Variants in SLA observed in about 807,000 individuals in gnomAD.
SLA encodes the protein Src like adaptor.
Under a neutral mutation model 30.3 loss-of-function variants are expected in SLA, and 16 were observed. The ratio of observed to expected loss-of-function variants is 0.53; its 90% confidence interval spans 0.36 to 0.80. The LOEUF (loss-of-function observed/expected upper bound fraction) is 0.80, where lower values mean the gene tolerates loss of function less well. SLA is among the 30% of genes least tolerant of loss of function. The pLI is 0.01. For missense variants in SLA, 310 were observed against 345.2 expected, an observed-to-expected ratio of 0.90 and a Z score of 0.81; for synonymous variants, 143 against 137.8, an observed-to-expected ratio of 1.04 and a Z score of -0.26.
In SLA at chr8:133,037,686, A is replaced by T. The variant is rs1368556361; in HGVS notation, c.*838T>A. ...TGACACCTTACAGAGGACTTAATGC[A>T]ATGCCTATTCGGGCAATAAATGAAT... On this transcript the variant is annotated 3_prime_UTR_variant, in exon 9 of 9. Transcript: ENST00000338087. 1 of 151,402 alleles carries T rather than the reference A, an allele frequency of 6.6e-6. No individual in the cohort carries two copies. Among genetic ancestry groups the T allele is most frequent in the Non-Finnish European group, 1.5e-5 (1 of 67,944 alleles). 9.4% of individuals were successfully genotyped at this position (151,402 alleles called of 1,614,324 possible).
intron 1 of SLA, among the ~76,000 whole-genome samples, chr8:133,080,101 C>T (rs1845518061): frequency 6.6e-6 from 1 of 152,014 alleles, no homozygotes; most frequent in African/African-American, 2.4e-5. Context: ...GGAACTCTCC[C>T]CTTAGAAAGG....
intron 1 of SLA, among the ~76,000 whole-genome samples, chr8:133,084,617 AAG>A (rs1395255757): frequency 4.6e-5 from 7 of 152,328 alleles, no homozygotes; most frequent in Middle Eastern, 3.4e-3. Flanking sequence ...CAGATGGAAA[AAG>A]GCATTTTGTC....
chr8:133,074,739 C>T (rs1017362495), intron 2 of SLA, 114 bp downstream of exon 2: 3 of 505,436 alleles, frequency 5.9e-6, no homozygotes, highest in African/African-American at 2.1e-5. Context: ...CATTGCCCCA[C>T]CTGTTCTCAG....
intron 6 of SLA, among the ~76,000 whole-genome samples, chr8:133,046,032 T>C (rs1839318639): frequency 6.6e-6 from 1 of 152,218 alleles, no homozygotes; most frequent in Admixed American, 6.5e-5. Context: ...AAAGGCGGGT[T>C]ATTGCTCCTT....
chr8:133,081,632 C>T (rs1400815017), intron 1 of SLA, among the ~76,000 whole-genome samples: 1 of 152,194 alleles, frequency 6.6e-6, no homozygotes, highest in Non-Finnish European at 1.5e-5. Context: ...CTGTCTGCTG[C>T]GAAGAGCTGC....
chr8:133,090,536 G>A (rs1203714993), intron 1 of SLA, among the ~76,000 whole-genome samples: 2 of 152,332 alleles, frequency 1.3e-5, no homozygotes, highest in Non-Finnish European at 1.5e-5. Flanking sequence ...GTCAGACAGC[G>A]CAAGGGACTT....
At position 133,055,359 on chromosome 8, in the gene SLA, A is replaced by ATG. The variant is rs770219741; in HGVS notation, c.62-4445_62-4444insCA. On this transcript the variant is annotated intron_variant, in intron 3 of 8. Transcript: ENST00000338087. The stretch of plus-strand genomic sequence containing the variant: ...TGTCATCTTCAGGACACACACACGC[A>ATG]CGCGCGCACACACACACACACACAC... Among the ~76,000 whole-genome samples, 4 of 86,790 alleles carry ATG rather than the reference A, an allele frequency of 4.6e-5. No homozygotes were observed. In the East Asian group the frequency reaches 1.1e-3, roughly 24 times the overall value. The allele number at this position is 86,790 out of a possible 152,430, so 56.9% of individuals were successfully genotyped here. A position where few individuals can be genotyped will look rare whatever the true frequency, so the allele number is the denominator to read the frequency against.
chr8:133,098,461 TG>T (rs1848765165), intron 1 of SLA, among the ~76,000 whole-genome samples: 1 of 152,122 alleles, frequency 6.6e-6, no homozygotes, highest in Non-Finnish European at 1.5e-5. Flanking sequence ...GGGATGGAGC[TG>T]GCCATTGACC....
chr8:133,100,769 C>A (rs1043739266), intron 1 of SLA, among the ~76,000 whole-genome samples: 1 of 152,174 alleles, frequency 6.6e-6, no homozygotes, highest in African/African-American at 2.4e-5. Context: ...AGAATAAAGG[C>A]TACTATGTGC....
chr8:133,096,419 A>C, intron 1 of SLA: 5 of 1,611,066 alleles, frequency 3.1e-6, no homozygotes, highest in Non-Finnish European at 4.2e-6. Context: ...GGCATTTCCT[A>C]AGGGCTCTGG....
At chr8:133,092,225 C>T (rs1847669368) in intron 1 of SLA, among the ~76,000 whole-genome samples, 1 of 152,222 alleles carries the variant, frequency 6.6e-6, no homozygotes, top group Admixed American at 6.5e-5. Context: ...GATATGTGTG[C>T]TTGGCCAGGC....
chr8:133,075,992 A>G (rs772497057), intron 1 of SLA: 1 of 152,230 alleles, frequency 6.6e-6, no homozygotes, highest in Non-Finnish European at 1.5e-5. Flanking sequence ...TATTGCATAT[A>G]AAATCTCCCT....
chr8:133,088,267 TCC>T (rs1203757491), intron 1 of SLA, among the ~76,000 whole-genome samples: 2 of 152,128 alleles, frequency 1.3e-5, no homozygotes. Context: ...CTCCTCCTCC[TCC>T]TCCTCCTCCT....
intron 7 of SLA, among the ~76,000 whole-genome samples, chr8:133,042,940 C>G (rs961875828): frequency 4.6e-5 from 7 of 151,342 alleles, no homozygotes; most frequent in African/African-American, 1.7e-4. Context: ...GCGATCCGCC[C>G]ACCTCAGCCT....
intron 2 of SLA, among the ~76,000 whole-genome samples, chr8:133,068,627 G>C (rs1374562991): frequency 6.6e-6 from 1 of 152,204 alleles, no homozygotes; most frequent in Non-Finnish European, 1.5e-5. Context: ...TGCACACCCT[G>C]CAGTCTCCGT....
chr8:133,094,263 T>TTTAC (rs1848066170), intron 1 of SLA, among the ~76,000 whole-genome samples: 113 of 143,914 alleles, frequency 7.9e-4, no homozygotes, highest in Non-Finnish European at 1.2e-3. Context: ...TTTTTTTTGA[T>TTTAC]GGAGTCTTGC....
chr8:133,100,330 C>A (rs1291581452), intron 1 of SLA, among the ~76,000 whole-genome samples: 2 of 152,216 alleles, frequency 1.3e-5, no homozygotes, highest in East Asian at 1.9e-4. Flanking sequence ...CTACACCCTA[C>A]CCCAGCACTC....
intron 1 of SLA, among the ~76,000 whole-genome samples, chr8:133,078,527 C>T (rs1845249596): frequency 1.3e-5 from 2 of 152,130 alleles, no homozygotes; most frequent in Non-Finnish European, 2.9e-5. Flanking sequence ...GTCTCGAGTC[C>T]AAGAATATTG....
chr8:133,074,676 T>C (rs1284163001), intron 2 of SLA, among the ~76,000 whole-genome samples, 177 bp downstream of exon 2: 1 of 152,168 alleles, frequency 6.6e-6, no homozygotes, highest in African/African-American at 2.4e-5. Context: ...CAACACCCAC[T>C]GAGCCACTGC....
Sources: allele counts gnomAD v4.1 joint callset (sites outside exome capture counted in the v4.1 genomes callset), GRCh38; gene constraint gnomAD v4.1.1; transcripts MANE v1.5; gene names NCBI Gene and HGNC (gene_info 2026-07-23, HGNC 2026-07-21).